Variants in PTPRN2 observed in about 807,000 individuals in gnomAD.
PTPRN2 encodes the protein receptor-type tyrosine-protein phosphatase N2.
In PTPRN2, 74 loss-of-function variants were observed where a neutral mutation model predicts 118.8. The ratio of observed to expected loss-of-function variants is 0.62; its 90% CI spans 0.52 to 0.76. The LOEUF is 0.76. PTPRN2 is among the 30% of genes least tolerant of loss of function. The pLI is 0.00. For missense variants in PTPRN2, 1,481 were observed against 1,394.4 expected, an observed-to-expected ratio of 1.06 and a Z score of -0.99; for synonymous variants, 641 against 608.0, an observed-to-expected ratio of 1.05 and a Z score of -0.80.
rs897970447 is a variant in PTPRN2, at chr7:157,729,695, C to T, written c.1789-46758G>A. 3.3e-4 allele frequency among the ~76,000 whole-genome samples: 50 copies of T among 152,116 alleles called. No homozygotes were observed. Among genetic ancestry groups the T allele is most frequent in the African/African-American group, 1.2e-3 (49 of 41,398 alleles). ...CCTGGGAGGGTCGCTAGGGTGAGGA[C>T]GCTGAGAGCCCATGTGCTGGAAAGG... On this transcript the variant is annotated intron_variant, in intron 12 of 22. Coordinates refer to ENST00000389418, the MANE Select transcript of PTPRN2 (RefSeq NM_002847.5). The surrounding 1 kb of genome is among the most constrained non-coding windows in gnomAD (Gnocchi z 4.3).
chr7:157,541,968 G>GT (rs1377071351), intron 22 of PTPRN2, among the ~76,000 whole-genome samples: 4 of 152,218 alleles, frequency 2.6e-5, no homozygotes, highest in African/African-American at 9.6e-5. Context: ...GCCTCTTAGT[G>GT]TACGTGTTAG....
At chr7:158,380,070 G>C (rs371401754) in intron 2 of PTPRN2, among the ~76,000 whole-genome samples, 1 of 152,142 alleles carries the variant, frequency 6.6e-6, no homozygotes, top group African/African-American at 2.4e-5. Context: ...CAACATATGG[G>C]AATTATGGGA....
In PTPRN2 at chr7:157,794,787, C is replaced by T. The variant is rs1331537414; in HGVS notation, c.1788+103886G>A. ...AGCAGAACAGTGAGCTACCTTCTCT[C>T]CCAGTAACCTTTTCCAGAGGAAACC... is the stretch of plus-strand genomic sequence containing the variant. On this transcript the variant is annotated intron_variant, in intron 12 of 22. Transcript: ENST00000389418. This position sits in a 1 kb window ranked among gnomAD's most constrained non-coding sequence, Gnocchi z 5.2. Among the ~76,000 whole-genome samples the T allele has an allele frequency of 1.3e-5, 2 of 152,182 alleles. No individual in the cohort carries two copies. The highest frequency in any genetic ancestry group is 1.5e-5 in the Non-Finnish European group (1 of 68,040).
rs1036883043 is a variant in PTPRN2, at chr7:158,066,746, T to A, written c.1723+14552A>T. ...GTATACTTTATGGGAAAATTAATAA[T>A]GCCAAGCAGACGGCAAGGCTGGCAG... On this transcript the variant is annotated intron_variant, in intron 11 of 22. Coordinates refer to ENST00000389418, the MANE Select transcript of PTPRN2 (RefSeq NM_002847.5). 2.0e-5 allele frequency among the ~76,000 whole-genome samples: 3 copies of A among 151,912 alleles called. No homozygotes were observed. In the South Asian group the frequency reaches 6.3e-4, roughly 32 times the overall value.
intron 1 of PTPRN2, among the ~76,000 whole-genome samples, chr7:158,560,083 C>T (rs1827281557): frequency 1.3e-5 from 2 of 152,238 alleles, no homozygotes; most frequent in Admixed American, 1.3e-4. Context: ...TATCAAACAG[C>T]ATTTGTCCTT....
At chr7:158,085,893 C>A (rs1187658012) in intron 10 of PTPRN2, among the ~76,000 whole-genome samples, 5 of 150,152 alleles carry the variant, frequency 3.3e-5, no homozygotes, top group African/African-American at 1.2e-4. Context: ...CCCATCCACA[C>A]CCACGACGCC....
At chr7:158,385,979 T>A (rs1811312912) in intron 2 of PTPRN2, among the ~76,000 whole-genome samples, 1 of 136,732 alleles carries the variant, frequency 7.3e-6, no homozygotes, top group African/African-American at 2.8e-5. Context: ...CCCTCCTCCC[T>A]CCTCCCATGC....
At chr7:158,002,467 T>C (rs1805335651) in intron 11 of PTPRN2, among the ~76,000 whole-genome samples, 1 of 152,046 alleles carries the variant, frequency 6.6e-6, no homozygotes, top group African/African-American at 2.4e-5. Context: ...GAATCCCCAG[T>C]ACAGTGGACG....
At chr7:158,384,346 G>A (rs1038682097) in intron 2 of PTPRN2, among the ~76,000 whole-genome samples, 8 of 152,220 alleles carry the variant, frequency 5.3e-5, no homozygotes, top group Admixed American at 3.9e-4. Flanking sequence ...GGCAGAAGCA[G>A]CCGGGATGTG....
intron 2 of PTPRN2, among the ~76,000 whole-genome samples, chr7:158,390,662 G>A (rs1011707804): frequency 3.7e-4 from 56 of 152,190 alleles, no homozygotes; most frequent in African/African-American, 1.3e-3. Flanking sequence ...TCCACTGCCC[G>A]GCCAGGCTTG....
At chr7:158,577,990 G>T (rs1010988170) in intron 1 of PTPRN2, among the ~76,000 whole-genome samples, 2 of 152,166 alleles carry the variant, frequency 1.3e-5, no homozygotes, top group African/African-American at 4.8e-5. Context: ...AGGCCAGAGG[G>T]CAAAGCAAGC....
rs958283693 is a variant in PTPRN2, at chr7:157,953,794, G to A, written c.1724-55057C>T. Among the ~76,000 whole-genome samples the A allele has an allele frequency of 5.3e-5, 8 of 152,202 alleles. No individual in the cohort carries two copies. Among genetic ancestry groups the A allele is most frequent in the Admixed American group, 1.3e-4 (2 of 15,290 alleles). On this transcript the variant is annotated intron_variant, in intron 11 of 22. Transcript: ENST00000389418. The surrounding 1 kb of genome is among the most constrained non-coding windows in gnomAD (Gnocchi z 4.6). Reference sequence around the variant, plus strand: ...CATGGCCAAAGGATCCCTCCTGAGGGTGAGGGCGACCGAGAAAGGAATGAG... The same window carrying A: ...CATGGCCAAAGGATCCCTCCTGAGGATGAGGGCGACCGAGAAAGGAATGAG...
intron 10 of PTPRN2, among the ~76,000 whole-genome samples, chr7:158,108,520 G>T (rs541174166): frequency 6.6e-6 from 1 of 152,240 alleles, no homozygotes; most frequent in Non-Finnish European, 1.5e-5. Flanking sequence ...CATGTATGGA[G>T]CCCCCTGTCC....
At chr7:158,078,832 C>G (rs539825030) in intron 11 of PTPRN2, among the ~76,000 whole-genome samples, 253 of 152,278 alleles carry the variant, frequency 1.7e-3, no homozygotes, top group Non-Finnish European at 2.7e-3. Context: ...TTTTTATAAT[C>G]TCTTGGGTTT....
chr7:158,136,173 A>G (rs1464362894), intron 8 of PTPRN2, among the ~76,000 whole-genome samples: 2 of 152,244 alleles, frequency 1.3e-5, no homozygotes, highest in African/African-American at 4.8e-5. Flanking sequence ...ACCTGAACCC[A>G]GTGCGGCCAA....
intron 11 of PTPRN2, among the ~76,000 whole-genome samples, chr7:157,982,488 G>T (rs1177770808): frequency 7.3e-6 from 1 of 137,514 alleles, no homozygotes; most frequent in Non-Finnish European, 1.6e-5. Flanking sequence ...ATGAGGAGGG[G>T]AATGCAGAGT....
At chr7:158,463,303 CCAT>C (rs1178001748) in intron 2 of PTPRN2, among the ~76,000 whole-genome samples, 1 of 152,230 alleles carries the variant, frequency 6.6e-6, no homozygotes, top group East Asian at 1.9e-4. Context: ...ACCATTGTCA[CCAT>C]CATCATCATT....
At chr7:158,101,427 A>G (rs4909223) in intron 10 of PTPRN2, among the ~76,000 whole-genome samples, 49,145 of 152,118 alleles carry the variant, frequency 0.32, 8,128 homozygotes, top group East Asian at 0.42. Context: ...TCTAGGAAAT[A>G]GCATTGGAAA....
At chr7:158,247,261 T>G in intron 3 of PTPRN2, among the ~76,000 whole-genome samples, 1 of 151,256 alleles carries the variant, frequency 6.6e-6, no homozygotes, top group African/African-American at 2.4e-5. Flanking sequence ...CCAAGAGGGG[T>G]GGAGGAAGGG....
Sources: allele counts gnomAD v4.1 joint callset (sites outside exome capture counted in the v4.1 genomes callset), GRCh38; gene constraint gnomAD v4.1.1; non-coding constraint Gnocchi (gnomAD v3.1); transcripts MANE v1.5; gene names NCBI Gene and HGNC (gene_info 2026-07-23, HGNC 2026-07-21).